Variants in SGCD observed in about 807,000 individuals in gnomAD.
SGCD encodes sarcoglycan delta.
Under a neutral mutation model 36.6 loss-of-function variants are expected in SGCD, and 18 were observed. The observed-to-expected ratio is 0.49, with a 90% CI of 0.34 to 0.73. The LOEUF (loss-of-function observed/expected upper bound fraction) is 0.73. Among genes scored for constraint, SGCD ranks in the 30% least tolerant of loss-of-function variants. SGCD has a pLI of 0.01. For missense variants in SGCD, 387 were observed against 346.7 expected, an observed-to-expected ratio of 1.12 and a Z score of -0.92; for synonymous variants, 133 against 130.6, an observed-to-expected ratio of 1.02 and a Z score of -0.12.
intron 3 of SGCD, among the ~76,000 whole-genome samples, chr5:156,127,472 C>G (rs975480008): frequency 6.6e-6 from 1 of 151,928 alleles, no homozygotes; most frequent in Admixed American, 6.6e-5. Context: ...AAGAAATTAG[C>G]CAGGCATCGT....
chr5:156,508,604 G>A lies in SGCD; in HGVS notation c.196G>A (p.Gly66Arg), dbSNP rs1434256166. Residue 66 changes from glycine (G) to arginine (R), a missense_variant, in exon 4 of 9, where the codon GGA becomes AGA. Gly to Arg is a moderately radical substitution (Grantham distance 125). Transcript: ENST00000337851. Reference protein sequence around the residue: ...ILKVMNFTIDGMGNLRITEKG... With the variant: ...ILKVMNFTIDRMGNLRITEKG... ...TTATCTCTGTGTTCTATTTCAGGAT[G>A]GAATGGGAAACCTGAGGATCACAGA... 1 of 1,596,322 alleles carries A rather than the reference G, an allele frequency of 6.3e-7. No individual in the cohort carries two copies. Among genetic ancestry groups the A allele is most frequent in the South Asian group, 1.1e-5 (1 of 90,454 alleles).
chr5:156,288,427 C>T (rs1766671530), intron 3 of SGCD, among the ~76,000 whole-genome samples: 1 of 152,128 alleles, frequency 6.6e-6, no homozygotes, highest in Non-Finnish European at 1.5e-5. Flanking sequence ...GGCATCCTTT[C>T]TGGCTTTTGT....
intron 6 of SGCD, among the ~76,000 whole-genome samples, chr5:156,646,455 C>A (rs143115897): frequency 6.2e-4 from 95 of 152,258 alleles, no homozygotes; most frequent in Middle Eastern, 3.4e-3. Context: ...CCATATAAGA[C>A]CTTGTCCCTG....
chr5:156,742,109 C>T (rs1756707765), intron 7 of SGCD, among the ~76,000 whole-genome samples: 1 of 152,178 alleles, frequency 6.6e-6, no homozygotes, highest in Non-Finnish European at 1.5e-5. Flanking sequence ...ATCTCCTGAC[C>T]TCGTGATCCA....
At chr5:156,041,026 T>A (rs1759619694) in intron 1 of SGCD, among the ~76,000 whole-genome samples, 1 of 152,232 alleles carries the variant, frequency 6.6e-6, no homozygotes, top group Non-Finnish European at 1.5e-5. Flanking sequence ...ACTGTGATGT[T>A]CTGTGTTTCC....
chr5:155,974,886 C>A (rs1758078712), intron 1 of SGCD, among the ~76,000 whole-genome samples: 1 of 152,006 alleles, frequency 6.6e-6, no homozygotes, highest in South Asian at 2.1e-4. Flanking sequence ...CCTCTCTAAC[C>A]CCCCATCCTC....
chr5:156,623,558 A>G (rs542001169), intron 6 of SGCD, among the ~76,000 whole-genome samples: 3 of 152,344 alleles, frequency 2.0e-5, no homozygotes, highest in Non-Finnish European at 2.9e-5. Context: ...AAAGAGCACA[A>G]GCATATCCAA....
chr5:156,524,114 A>G (rs1757537917), intron 4 of SGCD, among the ~76,000 whole-genome samples: 2 of 49,718 alleles, frequency 4.0e-5, no homozygotes, highest in Non-Finnish European at 8.4e-5. Context: ...ATATATATAT[A>G]TATATATATA....
chr5:156,197,954 C>A (rs1276694732), intron 3 of SGCD, among the ~76,000 whole-genome samples: 1 of 152,076 alleles, frequency 6.6e-6, no homozygotes, highest in Non-Finnish European at 1.5e-5. Context: ...AGGGAGGAAG[C>A]CGGGGTTATC....
intron 1 of SGCD, among the ~76,000 whole-genome samples, chr5:155,874,203 T>G (rs1391684902): frequency 6.6e-6 from 1 of 152,126 alleles, no homozygotes; most frequent in African/African-American, 2.4e-5. Flanking sequence ...CTAACTCTAT[T>G]ACAGAGAACA....
chr5:156,674,970 C>A (rs898714519), intron 7 of SGCD, among the ~76,000 whole-genome samples: 1 of 152,148 alleles, frequency 6.6e-6, no homozygotes, highest in Non-Finnish European at 1.5e-5. Flanking sequence ...ATGTGAAATG[C>A]CTCTTGTTTG....
At chr5:156,751,922 C>T (rs1757160853) in intron 7 of SGCD, among the ~76,000 whole-genome samples, 1 of 152,184 alleles carries the variant, frequency 6.6e-6, no homozygotes, top group African/African-American at 2.4e-5. Context: ...AGTCTACTCT[C>T]CCACATTAGT....
intron 6 of SGCD, among the ~76,000 whole-genome samples, chr5:156,623,879 A>G (rs1762345517): frequency 6.6e-6 from 1 of 152,148 alleles, no homozygotes; most frequent in East Asian, 1.9e-4. Flanking sequence ...TAGTGGTTCA[A>G]CTGTATGTTT....
rs61633788 is a variant in SGCD, at chr5:156,766,055, G to C, written c.*6665G>C. On this transcript the variant is annotated 3_prime_UTR_variant, in exon 9 of 9. Transcript: ENST00000337851. ...AGCTTAAAAAAAAAAAAAAAAGACC[G>C]GAAAATACCTGGGTTGTTAGCCTCA... 1 of 150,070 alleles carries C rather than the reference G, an allele frequency of 6.7e-6. No homozygotes were observed. Among genetic ancestry groups the C allele is most frequent in the Non-Finnish European group, 1.5e-5 (1 of 67,724 alleles). The allele number at this position is 150,070 out of a possible 1,614,324, so 9.3% of individuals were successfully genotyped here. A position where few individuals can be genotyped will look rare whatever the true frequency, so the allele number is the denominator to read the frequency against.
intron 1 of SGCD, among the ~76,000 whole-genome samples, chr5:156,114,843 A>C (rs1581107137): frequency 1.3e-5 from 2 of 152,196 alleles, no homozygotes; most frequent in East Asian, 1.9e-4. Context: ...GGAATCTCTT[A>C]CACATATTTT....
chr5:156,755,065 C>T (rs966092343), intron 7 of SGCD, among the ~76,000 whole-genome samples: 1 of 152,192 alleles, frequency 6.6e-6, no homozygotes, highest in African/African-American at 2.4e-5. Flanking sequence ...TCATAACCCC[C>T]TCCTGGTGAT....
At chr5:156,237,736 C>T (rs1765203218) in intron 3 of SGCD, among the ~76,000 whole-genome samples, 1 of 152,122 alleles carries the variant, frequency 6.6e-6, no homozygotes, top group Non-Finnish European at 1.5e-5. Flanking sequence ...AAAGCAGGAT[C>T]TGTGTTCACC....
the SGCD span, among the ~76,000 whole-genome samples, chr5:155,777,088 T>A: frequency 2.0e-5 from 3 of 152,062 alleles, no homozygotes; most frequent in South Asian, 6.2e-4. Context: ...TGCTTGTGAG[T>A]TGTTGGGAAA....
chr5:156,486,672 C>A (rs1452108184), intron 3 of SGCD, among the ~76,000 whole-genome samples: 3 of 152,186 alleles, frequency 2.0e-5, no homozygotes, highest in Admixed American at 6.5e-5. Flanking sequence ...TGGGAATAGA[C>A]CTGTCCCACC....
Sources: allele counts gnomAD v4.1 joint callset (sites outside exome capture counted in the v4.1 genomes callset), GRCh38; gene constraint gnomAD v4.1.1; transcripts MANE v1.5; gene names NCBI Gene and HGNC (gene_info 2026-07-23, HGNC 2026-07-21).